Variants in ATP10B observed in about 807,000 individuals in gnomAD.
ATP10B encodes phospholipid-transporting ATPase VB.
A neutral mutation model predicts 141.2 loss-of-function variants in ATP10B; 122 were observed. The observed-to-expected ratio is 0.86, with a 90% CI of 0.75 to 1.00. ATP10B has a LOEUF of 1.00. ATP10B is among the 50% of genes least tolerant of loss of function. The probability of loss-of-function intolerance (pLI) is 0.00; values close to 1 mark genes in which losing one functional copy is unlikely to be tolerated. For synonymous variants in ATP10B, 685 were observed against 692.0 expected, an observed-to-expected ratio of 0.99 and a Z score of 0.16; for missense variants, 1,876 against 1,825.3, an observed-to-expected ratio of 1.03 and a Z score of -0.51.
At chr5:160,649,109 A>G in intron 8 of ATP10B, 62 bp downstream of exon 8, 1 of 1,242,316 alleles carries the variant, frequency 8.0e-7, no homozygotes, top group South Asian at 1.2e-5. Flanking sequence ...TCATTTCTAG[A>G]CAATATATTT....
At chr5:160,806,612 G>A (rs1043097093) in intron 1 of ATP10B, among the ~76,000 whole-genome samples, 5 of 152,180 alleles carry the variant, frequency 3.3e-5, no homozygotes, top group South Asian at 2.1e-4. Flanking sequence ...ATGATGATAG[G>A]AACAACAACA....
chr5:160,689,757 A>G (rs968939282), intron 3 of ATP10B, among the ~76,000 whole-genome samples: 1 of 152,210 alleles, frequency 6.6e-6, no homozygotes, highest in Admixed American at 6.5e-5. Context: ...GGAAAAATCA[A>G]TATCGTGAAA....
At chr5:160,622,313 G>A in intron 14 of ATP10B, 81 bp downstream of exon 14, 1 of 1,410,290 alleles carries the variant, frequency 7.1e-7, no homozygotes, top group Non-Finnish European at 9.5e-7. Context: ...TCCCTGATCA[G>A]AACTTCTCCC....
intron 19 of ATP10B, among the ~76,000 whole-genome samples, chr5:160,604,735 C>T (rs1052253548): frequency 6.6e-5 from 10 of 152,156 alleles, no homozygotes; most frequent in African/African-American, 2.4e-4. Context: ...CACACACACA[C>T]GGTCTCCTTC....
At chr5:160,643,755 T>C (rs978467962) in intron 9 of ATP10B, among the ~76,000 whole-genome samples, 3 of 152,182 alleles carry the variant, frequency 2.0e-5, no homozygotes, top group Non-Finnish European at 4.4e-5. Flanking sequence ...CAGATACAAA[T>C]ATTCTCCCCA....
At chr5:160,857,716 T>G in the ATP10B span, among the ~76,000 whole-genome samples, 6 of 151,882 alleles carry the variant, frequency 4.0e-5, no homozygotes, top group Non-Finnish European at 8.8e-5. Context: ...ATTTTAAATT[T>G]TTGTTCAGTT....
intron 6 of ATP10B, among the ~76,000 whole-genome samples, chr5:160,672,646 AGACCGGG>A (rs1171380163): frequency 6.6e-6 from 1 of 152,234 alleles, no homozygotes; most frequent in Non-Finnish European, 1.5e-5. Context: ...GAAGGCAGCC[AGACCGGG>A]AGAAGCAAGC....
At chr5:160,827,947 A>G (rs1020666446) in intron 1 of ATP10B, among the ~76,000 whole-genome samples, 1 of 152,056 alleles carries the variant, frequency 6.6e-6, no homozygotes, top group African/African-American at 2.4e-5. Context: ...CCATTGATCT[A>G]TATCTCTGTT....
At chr5:160,667,144 G>C (rs565184030) in intron 7 of ATP10B, among the ~76,000 whole-genome samples, 1 of 152,174 alleles carries the variant, frequency 6.6e-6, no homozygotes, top group African/African-American at 2.4e-5. Context: ...CGTGAACCCG[G>C]GAGGCGGAGC....
At chr5:160,715,688 C>CTTCATTTA (rs372405098) in intron 3 of ATP10B, among the ~76,000 whole-genome samples, 2 of 141,664 alleles carry the variant, frequency 1.4e-5, no homozygotes, top group Non-Finnish European at 3.0e-5. Context: ...ATTTAGCTTG[C>CTTCATTTA]TTTATTTATT....
At chr5:160,692,732 T>G (rs902572378) in intron 3 of ATP10B, 3 of 152,204 alleles carry the variant, frequency 2.0e-5, no homozygotes, top group African/African-American at 4.8e-5. Context: ...TGTCCTATGA[T>G]TTCACCCTGC....
chr5:160,910,048 C>T, the ATP10B span, among the ~76,000 whole-genome samples: 4 of 152,178 alleles, frequency 2.6e-5, no homozygotes, highest in African/African-American at 9.7e-5. Context: ...AGAGACTCCT[C>T]ATCAAGCCCC....
At chr5:160,593,201 G>A (rs55870295) in intron 22 of ATP10B, among the ~76,000 whole-genome samples, 1,614 of 152,282 alleles carry the variant, frequency 0.011, 27 homozygotes, top group African/African-American at 0.036. Context: ...ACATGGCCGG[G>A]TACTTCTCTG....
At chr5:160,650,838 G>T (rs1289628753) in intron 7 of ATP10B, among the ~76,000 whole-genome samples, 1 of 152,150 alleles carries the variant, frequency 6.6e-6, no homozygotes, top group Non-Finnish European at 1.5e-5. Flanking sequence ...ACTGGTTAGA[G>T]AAATAAAAAC....
At position 160,606,866 on chromosome 5, in the gene ATP10B, T is replaced by A. The variant is rs1215927301; in HGVS notation, c.3059A>T (p.Gln1020Leu). The A allele has an allele frequency of 6.2e-7, 1 of 1,614,182 alleles. No homozygotes were observed. The highest frequency in any genetic ancestry group is 8.5e-7 in the Non-Finnish European group (1 of 1,180,020). The change falls in exon 19 of 26, where the codon CAG becomes CTG. Residue 1020 changes from glutamine to leucine, a missense_variant. By Grantham distance (113) the Gln-to-Leu change is moderately radical. Transcript: ENST00000327245. The stretch of plus-strand genomic sequence containing the variant: ...GCAGCACAGGACGGACCGACAATAC[T>A]GGGTCAATTCCAGAAACTTCTTCTC... Reference protein sequence around the residue: ...KLEKKFLELTQYCRSVLCCRS... With the variant: ...KLEKKFLELTLYCRSVLCCRS...
At chr5:160,625,661 T>A (rs976678788) in intron 13 of ATP10B, among the ~76,000 whole-genome samples, 2 of 152,190 alleles carry the variant, frequency 1.3e-5, no homozygotes, top group African/African-American at 4.8e-5. Context: ...AAGCTATGCA[T>A]TATGTATTTC....
At chr5:160,818,544 G>A (rs1177006464) in intron 1 of ATP10B, among the ~76,000 whole-genome samples, 2 of 152,218 alleles carry the variant, frequency 1.3e-5, no homozygotes, top group African/African-American at 4.8e-5. Flanking sequence ...TTTTTACACT[G>A]TTGGTGGGAC....
At chr5:160,897,573 A>G in the ATP10B span, among the ~76,000 whole-genome samples, 1 of 152,250 alleles carries the variant, frequency 6.6e-6, no homozygotes, top group Non-Finnish European at 1.5e-5. Flanking sequence ...TGTCATGCTC[A>G]TGGATAGGAA....
the ATP10B span, among the ~76,000 whole-genome samples, chr5:160,927,613 G>C: frequency 6.6e-6 from 1 of 152,184 alleles, no homozygotes; most frequent in African/African-American, 2.4e-5. Context: ...AGGTAAACTG[G>C]TGGTCATGAT....
Sources: allele counts gnomAD v4.1 joint callset (sites outside exome capture counted in the v4.1 genomes callset), GRCh38; gene constraint gnomAD v4.1.1; transcripts MANE v1.5; gene names NCBI Gene and HGNC (gene_info 2026-07-23, HGNC 2026-07-21).